NPFFR2: variants seen among roughly 807,000 people sequenced by gnomAD.
NPFFR2 encodes neuropeptide FF receptor 2, also known as G-protein coupled receptor 74.
A neutral mutation model predicts 13.1 loss-of-function variants in NPFFR2; 15 were observed. The observed-to-expected ratio is 1.15, with a 90% CI of 0.77 to 1.76. The LOEUF (loss-of-function observed/expected upper bound fraction) is 1.76, where lower values mean the gene tolerates loss of function less well. NPFFR2 is among the 40% of genes most tolerant of loss of function. The pLI is 0.00. For synonymous variants in NPFFR2, 190 were observed against 175.7 expected, an observed-to-expected ratio of 1.08 and a Z score of -0.65; for missense variants, 572 against 503.5, an observed-to-expected ratio of 1.14 and a Z score of -1.30.
intron 1 of NPFFR2, among the ~76,000 whole-genome samples, chr4:72,110,013 C>T (rs1020475717): frequency 1.3e-5 from 2 of 151,896 alleles, no homozygotes; most frequent in Admixed American, 6.6e-5. Flanking sequence ...TTTATTTGAT[C>T]GGCTCTATAG....
chr4:72,064,826 G>A lies in NPFFR2; in HGVS notation c.-8+32626G>A, dbSNP rs550916957. Among the ~76,000 whole-genome samples the A allele has an allele frequency of 1.4e-4, 22 of 152,270 alleles. No individual in the cohort carries two copies. The South Asian group carries it at 4.6e-3, about 32-fold the overall frequency. ...ATAGGTAGGATACATTGATCCCTGT[G>A]AGTAGGGCTAAACAATGCTAACAAT... On this transcript the variant is annotated intron_variant, in intron 1 of 3. Transcript: ENST00000308744.
At chr4:72,087,008 G>A (rs1720791313) in intron 1 of NPFFR2, among the ~76,000 whole-genome samples, 1 of 152,064 alleles carries the variant, frequency 6.6e-6, no homozygotes, top group African/African-American at 2.4e-5. Context: ...GAAATTGGGA[G>A]AGAAAAAGAA....
At chr4:72,095,936 G>A (rs28562626) in intron 1 of NPFFR2, among the ~76,000 whole-genome samples, 1 of 152,134 alleles carries the variant, frequency 6.6e-6, no homozygotes, top group Non-Finnish European at 1.5e-5. Flanking sequence ...TCAGTCATGA[G>A]TGTCATTTCT....
intron 1 of NPFFR2, among the ~76,000 whole-genome samples, chr4:72,061,128 G>A (rs1234512752): frequency 6.6e-6 from 1 of 152,122 alleles, no homozygotes; most frequent in African/African-American, 2.4e-5. Context: ...AAATCAGGAA[G>A]GTGTGGAACC....
intron 1 of NPFFR2, among the ~76,000 whole-genome samples, chr4:72,067,621 C>T (rs1377613011): frequency 1.1e-4 from 3 of 26,488 alleles, no homozygotes; most frequent in Non-Finnish European, 4.2e-4. Flanking sequence ...TAAATTCCTT[C>T]TTCAGTTTTT....
chr4:72,066,666 A>G (rs186760422), intron 1 of NPFFR2, among the ~76,000 whole-genome samples: 6 of 152,258 alleles, frequency 3.9e-5, no homozygotes, highest in East Asian at 1.9e-4. Context: ...GGAAAGAAGA[A>G]TGAGGTAACT....
intron 1 of NPFFR2, among the ~76,000 whole-genome samples, chr4:72,049,570 T>C (rs1410739219): frequency 6.6e-6 from 1 of 152,092 alleles, no homozygotes; most frequent in Non-Finnish European, 1.5e-5. Flanking sequence ...TAGGAGAACT[T>C]TAAAAACCTG....
intron 3 of NPFFR2, among the ~76,000 whole-genome samples, chr4:72,145,978 G>C (rs1047711455): frequency 6.6e-6 from 1 of 152,062 alleles, no homozygotes; most frequent in South Asian, 2.1e-4. Context: ...AATGAATCAG[G>C]CTTACTCTAC....
chr4:72,082,316 A>G (rs1720649750), intron 1 of NPFFR2, among the ~76,000 whole-genome samples: 1 of 152,198 alleles, frequency 6.6e-6, no homozygotes, highest in Non-Finnish European at 1.5e-5. Flanking sequence ...TGTTCCATTC[A>G]ATGAAGAAGC....
intron 3 of NPFFR2, among the ~76,000 whole-genome samples, chr4:72,145,216 A>G (rs1179068952): frequency 6.7e-6 from 1 of 150,220 alleles, no homozygotes; most frequent in Non-Finnish European, 1.5e-5. Flanking sequence ...ATATATAAGT[A>G]TATATACTCA....
At chr4:72,112,915 A>G (rs1056215710) in intron 1 of NPFFR2, among the ~76,000 whole-genome samples, 3 of 152,088 alleles carry the variant, frequency 2.0e-5, no homozygotes, top group African/African-American at 2.4e-5. Context: ...ATACCTGCTT[A>G]CAGAAGTTTT....
chr4:72,134,725 A>G (rs1722353645), intron 2 of NPFFR2, among the ~76,000 whole-genome samples: 2 of 152,086 alleles, frequency 1.3e-5, no homozygotes, highest in Non-Finnish European at 1.5e-5. Flanking sequence ...CTCTCTTGTC[A>G]ATACCTTTAA....
chr4:72,119,413 T>A (rs1262140388), intron 1 of NPFFR2, among the ~76,000 whole-genome samples: 1 of 152,172 alleles, frequency 6.6e-6, no homozygotes, highest in African/African-American at 2.4e-5. Context: ...AAATGCAATA[T>A]AACAATTTAA....
chr4:72,071,148 A>C (rs1720242512), intron 1 of NPFFR2, among the ~76,000 whole-genome samples: 2 of 152,176 alleles, frequency 1.3e-5, no homozygotes, highest in African/African-American at 4.8e-5. Context: ...TACTCCTCCA[A>C]GAATCTATGT....
intron 1 of NPFFR2, among the ~76,000 whole-genome samples, chr4:72,056,180 T>C (rs1719739055): frequency 6.6e-6 from 1 of 151,998 alleles, no homozygotes; most frequent in Non-Finnish European, 1.5e-5. Flanking sequence ...AATGCCTGGC[T>C]TCAGAACCTC....
chr4:72,083,600 C>T (rs957837657), intron 1 of NPFFR2, among the ~76,000 whole-genome samples: 3 of 152,128 alleles, frequency 2.0e-5, no homozygotes, highest in African/African-American at 7.2e-5. Context: ...TTGCTGGATT[C>T]ACTTCCTCTG....
chr4:72,082,835 T>C (rs959691778), intron 1 of NPFFR2, among the ~76,000 whole-genome samples: 1 of 151,890 alleles, frequency 6.6e-6, no homozygotes. Context: ...CCCCACTCCC[T>C]GGTAGCCCCT....
intron 3 of NPFFR2, chr4:72,146,491 G>C (rs942277203): frequency 1.3e-5 from 2 of 154,844 alleles, no homozygotes; most frequent in African/African-American, 4.8e-5. Context: ...AGGGATAAAA[G>C]GTTGATTGAT....
chr4:72,132,718 G>A (rs1168719377), intron 2 of NPFFR2, among the ~76,000 whole-genome samples: 1 of 152,134 alleles, frequency 6.6e-6, no homozygotes. Context: ...ATATCCCATT[G>A]TGGTTTTTAT....
Sources: gnomAD v4.1 joint callset for allele counts (sites outside exome capture counted in the v4.1 genomes callset) on GRCh38, gnomAD v4.1.1 for gene constraint, MANE v1.5 for transcripts, NCBI Gene and HGNC (gene_info 2026-07-23, HGNC 2026-07-21) for gene names.